The following FOXJ3 variants were observed in gnomAD, a reference collection of about 807,000 sequenced individuals.
FOXJ3 encodes forkhead box J3, also known as forkhead box protein J3.
FOXJ3 carries 22 observed loss-of-function variants against 76.1 expected under a neutral mutation model. The ratio of observed to expected loss-of-function variants is 0.29; its 90% CI spans 0.21 to 0.41. The LOEUF (loss-of-function observed/expected upper bound fraction) is 0.41. Among genes scored for constraint, FOXJ3 ranks in the 10% least tolerant of loss-of-function variants. The pLI, the probability that FOXJ3 is intolerant of heterozygous loss-of-function variation, is 1.00. For missense variants in FOXJ3, 613 were observed against 762.1 expected (o/e 0.80, Z 2.30); for synonymous variants, 269 against 261.2 (o/e 1.03, Z -0.29).
chr1:42,192,559 A>T (rs1277540678), intron 8 of FOXJ3, among the ~76,000 whole-genome samples: 1 of 152,248 alleles, frequency 6.6e-6, no homozygotes, highest in Non-Finnish European at 1.5e-5. Flanking sequence ...TGTAAGCTGC[A>T]GGATGAGCTC....
intron 6 of FOXJ3, among the ~76,000 whole-genome samples, chr1:42,200,397 G>C (rs1240253161): frequency 1.3e-5 from 2 of 151,498 alleles, no homozygotes; most frequent in Non-Finnish European, 2.9e-5. Context: ...TCATTTTTTT[G>C]TGCAACAGAG....
At chr1:42,223,699 T>A (rs972630938) in intron 5 of FOXJ3, among the ~76,000 whole-genome samples, 1 of 152,368 alleles carries the variant, frequency 6.6e-6, no homozygotes, top group South Asian at 2.1e-4. Context: ...TGCTCTGTCA[T>A]TTATAATCAC....
intron 11 of FOXJ3, among the ~76,000 whole-genome samples, chr1:42,183,160 C>A (rs1207369585): frequency 6.6e-6 from 1 of 150,454 alleles, no homozygotes; most frequent in African/African-American, 2.5e-5. Context: ...CCTGTAGTCC[C>A]AGCTACTCAG....
intron 4 of FOXJ3, among the ~76,000 whole-genome samples, chr1:42,255,529 T>G (rs986803659): frequency 1.3e-5 from 2 of 152,120 alleles, no homozygotes; most frequent in African/African-American, 4.8e-5. Context: ...GTGGTCTAAA[T>G]AGAAGGTGGA....
chr1:42,255,875 A>G (rs1279659566), intron 4 of FOXJ3, among the ~76,000 whole-genome samples: 1 of 152,156 alleles, frequency 6.6e-6, no homozygotes, highest in Middle Eastern at 3.2e-3. Flanking sequence ...TGCAAAAATT[A>G]GCCAGGCATG....
chr1:42,278,555 A>G lies in FOXJ3; in HGVS notation c.162T>C (p.Ser54=). 1.2e-6 allele frequency: 2 copies of G among 1,614,170 alleles called. No individual in the cohort carries two copies. The highest frequency in any genetic ancestry group is 8.5e-7 in the Non-Finnish European group (1 of 1,180,022). ...TTGGGTCAAGGAGTGCATTCTTCTT[A>G]GAAATTCCTGTTCCATGTGCATTTT... ...ATQNAHGTGI[S]KKNALLDPNT... Residue 54 remains serine, a synonymous_variant, in exon 3 of 13, where the codon TCT becomes TCC. Transcript: ENST00000361346.
At chr1:42,269,168 G>A (rs1557687967) in intron 3 of FOXJ3, among the ~76,000 whole-genome samples, 1 of 151,894 alleles carries the variant, frequency 6.6e-6, no homozygotes, top group Non-Finnish European at 1.5e-5. Context: ...ATTTAGAAAG[G>A]GGATAACTAA....
At chr1:42,282,180 AGAAATCTGGTTATG>A (rs570426724) in intron 2 of FOXJ3, among the ~76,000 whole-genome samples, 41 of 152,232 alleles carry the variant, frequency 2.7e-4, no homozygotes, top group African/African-American at 8.4e-4. Flanking sequence ...GGAGGCTGGG[AGAAATCTGGTTATG>A]GAAATCTGGT....
intron 6 of FOXJ3, among the ~76,000 whole-genome samples, chr1:42,200,005 C>CAAAA (rs11355641): frequency 1.4e-4 from 11 of 76,056 alleles, no homozygotes; most frequent in East Asian, 4.2e-4. Flanking sequence ...GACTCTGTCT[C>CAAAA]AAAAAAAAAA....
At chr1:42,224,224 CTGAAA>C (rs1329179208) in intron 5 of FOXJ3, among the ~76,000 whole-genome samples, 2 of 152,056 alleles carry the variant, frequency 1.3e-5, no homozygotes, top group Non-Finnish European at 2.9e-5. Context: ...TTTCAATAAA[CTGAAA>C]TTTTATTCAA....
At chr1:42,196,206 G>C in intron 7 of FOXJ3, among the ~76,000 whole-genome samples, 1 of 152,102 alleles carries the variant, frequency 6.6e-6, no homozygotes. Flanking sequence ...GTACTGTCAC[G>C]TGGGATGTAG....
chr1:42,303,321 G>A (rs886838889), intron 2 of FOXJ3, among the ~76,000 whole-genome samples: 3 of 152,134 alleles, frequency 2.0e-5, no homozygotes, highest in Non-Finnish European at 4.4e-5. Context: ...AGAATTGTTG[G>A]GGGAACTTAA....
chr1:42,241,103 A>G (rs1004991405), intron 4 of FOXJ3, among the ~76,000 whole-genome samples: 2 of 152,176 alleles, frequency 1.3e-5, no homozygotes, highest in African/African-American at 4.8e-5. Flanking sequence ...CTGTGGGAAA[A>G]GGATAAGTGA....
At chr1:42,260,506 G>C (rs1453735104) in intron 4 of FOXJ3, among the ~76,000 whole-genome samples, 1 of 152,040 alleles carries the variant, frequency 6.6e-6, no homozygotes, top group Admixed American at 6.6e-5. Flanking sequence ...TTCAAGACCA[G>C]TCCAGGCAAC....
intron 5 of FOXJ3, among the ~76,000 whole-genome samples, chr1:42,215,995 A>G (rs1428665232): frequency 6.6e-6 from 1 of 152,060 alleles, no homozygotes; most frequent in Non-Finnish European, 1.5e-5. Flanking sequence ...TCTAAGGGGG[A>G]AAAAATTTAT....
intron 4 of FOXJ3, among the ~76,000 whole-genome samples, chr1:42,231,152 T>TAAA (rs34865801): frequency 5.5e-5 from 8 of 145,088 alleles, no homozygotes; most frequent in African/African-American, 2.0e-4. Flanking sequence ...CGTCTCTACT[T>TAAA]AAAAAAAAAA....
At position 42,206,916 on chromosome 1, in the gene FOXJ3, C is replaced by T. The variant is rs546663107; in HGVS notation, c.529-1053G>A. Among the ~76,000 whole-genome samples, 7 of 152,170 alleles carry T rather than the reference C, an allele frequency of 4.6e-5. 1 individual carries two copies. The highest frequency in any genetic ancestry group is 6.5e-5 in the Admixed American group (1 of 15,286). On this transcript the variant is annotated intron_variant, in intron 5 of 12. Transcript: ENST00000361346. ...TGCAATCTCGGCTCACTGCAACCTT[C>T]ACCTCCCATGCTCAAGCGATTCTCT...
At position 42,221,580 on chromosome 1, in the gene FOXJ3, C is replaced by G. The variant is rs1022359265; in HGVS notation, c.528+6303G>C. The stretch of plus-strand genomic sequence containing the variant: ...ACGCAATCCTCTGGCCTCAGCCTCC[C>G]CAGTAGCTGGGACTAGAGGCAGGTG... On this transcript the variant is annotated intron_variant, in intron 5 of 12. Coordinates refer to ENST00000361346, the MANE Select transcript of FOXJ3 (RefSeq NM_014947.5). 4.6e-5 allele frequency among the ~76,000 whole-genome samples: 7 copies of G among 152,086 alleles called. No individual in the cohort carries two copies. In the East Asian group the frequency reaches 1.2e-3, roughly 25 times the overall value.
At chr1:42,255,827 C>A (rs185497317) in intron 4 of FOXJ3, among the ~76,000 whole-genome samples, 1 of 152,054 alleles carries the variant, frequency 6.6e-6, no homozygotes, top group African/African-American at 2.4e-5. Flanking sequence ...TCAAGACCAG[C>A]CTGGCCAATA....
Sources: allele counts gnomAD v4.1 joint callset (sites outside exome capture counted in the v4.1 genomes callset), GRCh38; gene constraint gnomAD v4.1.1; transcripts MANE v1.5; gene names NCBI Gene and HGNC (gene_info 2026-07-23, HGNC 2026-07-21).